The following SCTR variants were observed in gnomAD, a reference collection of about 807,000 sequenced individuals.
The protein encoded by SCTR is pancreatic secretin receptor.
Under a neutral mutation model 60.8 loss-of-function variants are expected in SCTR, and 56 were observed. The ratio of observed to expected loss-of-function variants is 0.92; its 90% CI spans 0.74 to 1.15. The LOEUF is 1.15. Ranked by LOEUF, SCTR falls within the 50% of genes most tolerant of loss-of-function variation. SCTR has a pLI of 0.00. For synonymous variants in SCTR, 202 were observed against 217.0 expected, an observed-to-expected ratio of 0.93 and a Z score of 0.61; for missense variants, 562 against 550.4, an observed-to-expected ratio of 1.02 and a Z score of -0.21.
rs1220622411 is a variant in SCTR at position 119,473,476 on chromosome 2, T to C, written c.382A>G (p.Asn128Asp). Residue 128 changes from asparagine to aspartate, a missense_variant, in exon 4 of 13, where the codon AAC becomes GAC. Coordinates refer to ENST00000019103, the MANE Select transcript of SCTR (RefSeq NM_002980.3). ...ACCCGCTTCTCGTTGGAAGAGTCGT[T>C]CACATTAACGCCACAGGCCAGATTA... ...RPNLACGVNV[N>D]DSSNEKRHSY... The C allele has an allele frequency of 6.2e-7, 1 of 1,609,182 alleles. No homozygotes were observed. Among genetic ancestry groups the C allele is most frequent in the Non-Finnish European group, 8.5e-7 (1 of 1,176,012 alleles).
chr2:119,458,735 A>T (rs1683479971), intron 7 of SCTR, among the ~76,000 whole-genome samples: 1 of 152,188 alleles, frequency 6.6e-6, no homozygotes, highest in South Asian at 2.1e-4. Context: ...GTAATGGTTT[A>T]AGTTGGTGGC....
At chr2:119,497,326 C>T (rs1419147939) in intron 1 of SCTR, among the ~76,000 whole-genome samples, 1 of 151,482 alleles carries the variant, frequency 6.6e-6, no homozygotes, top group African/African-American at 2.4e-5. Context: ...AAGGGAGCAC[C>T]CATTCCCCCC....
intron 11 of SCTR, among the ~76,000 whole-genome samples, chr2:119,444,382 A>AAT (rs1215002113): frequency 3.9e-4 from 3 of 7,596 alleles, no homozygotes; most frequent in Non-Finnish European, 1.5e-3. Context: ...TATACGTATG[A>AAT]ATATATATAC....
At chr2:119,502,244 C>T (rs886904241) in intron 1 of SCTR, among the ~76,000 whole-genome samples, 15 of 151,580 alleles carry the variant, frequency 9.9e-5, no homozygotes, top group African/African-American at 3.4e-4. Context: ...AGAGTGAGAC[C>T]CTGTCTCAAA....
At chr2:119,453,074 C>A (rs898012149) in intron 8 of SCTR, among the ~76,000 whole-genome samples, 1 of 152,166 alleles carries the variant, frequency 6.6e-6, no homozygotes, top group Non-Finnish European at 1.5e-5. Context: ...AGCAAGAAGA[C>A]AGGAAGGCCA....
intron 2 of SCTR, among the ~76,000 whole-genome samples, chr2:119,490,667 A>G (rs776104970): frequency 1.1e-4 from 17 of 152,182 alleles, no homozygotes; most frequent in Admixed American, 2.0e-4. Flanking sequence ...GCTCATCACC[A>G]TGTGTGGTCA....
chr2:119,446,706 A>G, intron 11 of SCTR, 53 bp downstream of exon 11: 1 of 1,394,794 alleles, frequency 7.2e-7, no homozygotes, highest in Non-Finnish European at 9.4e-7. Context: ...CTTCTCCCTA[A>G]GGACACAGAG....
At chr2:119,465,098 T>A (rs549940278) in intron 5 of SCTR, among the ~76,000 whole-genome samples, 1 of 152,336 alleles carries the variant, frequency 6.6e-6, no homozygotes, top group Admixed American at 6.5e-5. Flanking sequence ...CATGACAGAC[T>A]TGATCAATCA....
At chr2:119,447,718 C>T (rs1208685375) in intron 10 of SCTR, among the ~76,000 whole-genome samples, 2 of 152,144 alleles carry the variant, frequency 1.3e-5, no homozygotes, top group East Asian at 3.9e-4. Flanking sequence ...ATTACAGGCG[C>T]CCTCCACCAC....
At chr2:119,495,726 T>C (rs1230901319) in intron 1 of SCTR, among the ~76,000 whole-genome samples, 1 of 152,200 alleles carries the variant, frequency 6.6e-6, no homozygotes, top group Admixed American at 6.5e-5. Context: ...ATCTACCAGC[T>C]GCAGCAACTG....
In SCTR at chr2:119,494,439, T is replaced by G; in HGVS notation, c.182A>C (p.Gln61Pro). 5 of 1,613,808 alleles carry G rather than the reference T, an allele frequency of 3.1e-6. No homozygotes were observed. The highest frequency in any genetic ancestry group is 4.2e-6 in the Non-Finnish European group (5 of 1,179,830). ...REQTGDLGTE[Q>P]PVPGCEGMWD... Reference sequence around the variant, plus strand: ...GGCAAGCCTCATACCTGGCACTGGCTGCTCCGTGCCCAGGTCTCCTGTCTG... The same window carrying G: ...GGCAAGCCTCATACCTGGCACTGGCGGCTCCGTGCCCAGGTCTCCTGTCTG... Residue 61 changes from glutamine (Q) to proline (P), a missense_variant, in exon 2 of 13, where the codon CAG (glutamine) becomes CCG (proline). By Grantham distance (76) the Gln-to-Pro change is moderately conservative (BLOSUM62 -1). Transcript: ENST00000019103.
intron 2 of SCTR, chr2:119,479,854 T>G (rs866107459): frequency 6.6e-6 from 1 of 152,192 alleles, no homozygotes; most frequent in African/African-American, 2.4e-5. Flanking sequence ...CAGAGCCAGA[T>G]GCGTGGCCCA....
At chr2:119,503,295 G>A (rs530900151) in intron 1 of SCTR, among the ~76,000 whole-genome samples, 1 of 152,108 alleles carries the variant, frequency 6.6e-6, no homozygotes, top group Admixed American at 6.6e-5. Flanking sequence ...AGCTGGCAGT[G>A]GCGTCTTACA....
intron 7 of SCTR, among the ~76,000 whole-genome samples, chr2:119,455,650 A>G (rs1307392363): frequency 6.6e-6 from 1 of 152,212 alleles, no homozygotes; most frequent in East Asian, 1.9e-4. Flanking sequence ...GTTGGAAGAT[A>G]AAGACTAGGA....
intron 1 of SCTR, among the ~76,000 whole-genome samples, chr2:119,513,844 C>A (rs1679030737): frequency 6.6e-6 from 1 of 152,160 alleles, no homozygotes; most frequent in Admixed American, 6.5e-5. Context: ...TTTCTAGGGT[C>A]TTTTGCAGAA....
chr2:119,514,666 G>A (rs942005758), intron 1 of SCTR, among the ~76,000 whole-genome samples: 43 of 152,066 alleles, frequency 2.8e-4, no homozygotes, highest in Admixed American at 1.2e-3. Context: ...ACCTGAGGTC[G>A]GGAGTTTGAG....
intron 4 of SCTR, among the ~76,000 whole-genome samples, chr2:119,471,548 A>G (rs1366193393): frequency 6.6e-6 from 1 of 152,220 alleles, no homozygotes; most frequent in Non-Finnish European, 1.5e-5. Flanking sequence ...GATGCGCTAC[A>G]GAGAGAGGGG....
At chr2:119,473,991 A>C (rs555671689) in intron 3 of SCTR, among the ~76,000 whole-genome samples, 1 of 152,272 alleles carries the variant, frequency 6.6e-6, no homozygotes, top group South Asian at 2.1e-4. Flanking sequence ...TCACTCAGCC[A>C]TTTGAAAACC....
At chr2:119,498,067 G>T (rs971110555) in intron 1 of SCTR, among the ~76,000 whole-genome samples, 2 of 152,026 alleles carry the variant, frequency 1.3e-5, no homozygotes, top group South Asian at 2.1e-4. Flanking sequence ...ATCCTTAAAA[G>T]TCCACACCAA....
Sources: gnomAD v4.1 joint callset for allele counts (sites outside exome capture counted in the v4.1 genomes callset) on GRCh38, gnomAD v4.1.1 for gene constraint, MANE v1.5 for transcripts, NCBI Gene and HGNC (gene_info 2026-07-23, HGNC 2026-07-21) for gene names.